Variants in SDC2 observed in about 807,000 individuals in gnomAD.
SDC2 encodes the protein syndecan-2.
In SDC2, 13 loss-of-function variants were observed where a neutral mutation model predicts 22.2. That is an observed-to-expected ratio of 0.59 (90% CI 0.38 to 0.93). The LOEUF (loss-of-function observed/expected upper bound fraction) is 0.93, where lower values mean the gene tolerates loss of function less well. Ranked by LOEUF, SDC2 falls within the 40% of genes least tolerant of loss-of-function variation. The pLI, the probability that SDC2 is intolerant of heterozygous loss-of-function variation, is 0.00. For missense variants in SDC2, 235 were observed against 246.8 expected, an observed-to-expected ratio of 0.95 and a Z score of 0.32; for synonymous variants, 94 against 92.8, an observed-to-expected ratio of 1.01 and a Z score of -0.07.
intron 1 of SDC2, among the ~76,000 whole-genome samples, chr8:96,533,142 C>A (rs1265512529): frequency 6.6e-6 from 1 of 152,176 alleles, no homozygotes; most frequent in Non-Finnish European, 1.5e-5. Context: ...GTGAGTGTTA[C>A]AGCTCATAAA....
intron 1 of SDC2, among the ~76,000 whole-genome samples, chr8:96,541,540 C>T (rs2130513559): frequency 6.9e-6 from 1 of 144,732 alleles, no homozygotes; most frequent in East Asian, 2.0e-4. Flanking sequence ...AATAATGCTA[C>T]AACACGGATG....
chr8:96,602,655 C>G (rs528457253), intron 3 of SDC2, 127 bp downstream of exon 3: 1 of 969,214 alleles, frequency 1.0e-6, no homozygotes, highest in East Asian at 2.6e-5. Flanking sequence ...GAACTATGTA[C>G]ACAACAGTTC....
intron 4 of SDC2, among the ~76,000 whole-genome samples, chr8:96,608,891 T>G (rs775397654): frequency 1.8e-4 from 27 of 152,218 alleles, no homozygotes; most frequent in South Asian, 4.1e-4. Context: ...GTTTCTATTT[T>G]AACTTAATTG....
intron 1 of SDC2, among the ~76,000 whole-genome samples, chr8:96,518,335 T>G (rs1012745882): frequency 6.6e-6 from 1 of 151,090 alleles, no homozygotes; most frequent in Non-Finnish European, 1.5e-5. Context: ...GTGGACCTAG[T>G]TGGAGAGACT....
At chr8:96,515,682 A>G (rs1268876860) in intron 1 of SDC2, among the ~76,000 whole-genome samples, 1 of 152,172 alleles carries the variant, frequency 6.6e-6, no homozygotes, top group Admixed American at 6.5e-5. Context: ...CTGGAATCTG[A>G]TAGTTTTCTT....
intron 1 of SDC2, among the ~76,000 whole-genome samples, chr8:96,585,190 C>T (rs1347608): frequency 0.08 from 12,126 of 152,140 alleles, 581 homozygotes; most frequent in East Asian, 0.21. Flanking sequence ...TTTTGTAATG[C>T]AAGTGTTTTG....
intron 1 of SDC2, among the ~76,000 whole-genome samples, chr8:96,570,991 G>A (rs1814384732): frequency 6.6e-6 from 1 of 152,148 alleles, no homozygotes. Context: ...TGTGGTAATG[G>A]TTGCACAACG....
intron 1 of SDC2, among the ~76,000 whole-genome samples, chr8:96,568,658 C>T (rs1461964054): frequency 6.6e-6 from 1 of 152,230 alleles, no homozygotes; most frequent in Non-Finnish European, 1.5e-5. Flanking sequence ...GATTAAATAA[C>T]TGTAAATTGA....
chr8:96,588,517 C>T (rs949767112), intron 1 of SDC2, among the ~76,000 whole-genome samples: 1 of 152,130 alleles, frequency 6.6e-6, no homozygotes, highest in Non-Finnish European at 1.5e-5. Flanking sequence ...AGTTAATATA[C>T]ATTTGAGTCA....
chr8:96,531,845 A>G (rs1201881747), intron 1 of SDC2, among the ~76,000 whole-genome samples: 2 of 152,184 alleles, frequency 1.3e-5, no homozygotes, highest in Non-Finnish European at 2.9e-5. Flanking sequence ...GTGTGTGTCA[A>G]CCAAGATGTA....
chr8:96,583,347 A>G (rs1405897340), intron 1 of SDC2, among the ~76,000 whole-genome samples: 1 of 143,892 alleles, frequency 6.9e-6, no homozygotes, highest in Non-Finnish European at 1.5e-5. Context: ...CATATAAAAT[A>G]TATATTATAT....
intron 1 of SDC2, among the ~76,000 whole-genome samples, chr8:96,574,795 A>C (rs1814458684): frequency 6.6e-6 from 1 of 152,188 alleles, no homozygotes; most frequent in South Asian, 2.1e-4. Flanking sequence ...AACTATGGAA[A>C]ATGTATTGCG....
At chr8:96,569,587 G>C (rs1462202171) in intron 1 of SDC2, among the ~76,000 whole-genome samples, 1 of 152,176 alleles carries the variant, frequency 6.6e-6, no homozygotes, top group Non-Finnish European at 1.5e-5. Flanking sequence ...AGCTGTAAAA[G>C]TTGGAGTCCA....
At chr8:96,529,725 C>T (rs563672283) in intron 1 of SDC2, among the ~76,000 whole-genome samples, 1 of 152,146 alleles carries the variant, frequency 6.6e-6, no homozygotes, top group Admixed American at 6.5e-5. Flanking sequence ...CTCTCCATCT[C>T]CCTCCTTCAG....
At chr8:96,512,228 C>T (rs891626638) in intron 1 of SDC2, among the ~76,000 whole-genome samples, 3 of 152,182 alleles carry the variant, frequency 2.0e-5, no homozygotes, top group Admixed American at 6.5e-5. Context: ...GGCCACGTGC[C>T]CAACTAAAAT....
At chr8:96,589,878 C>T (rs1814749773) in intron 1 of SDC2, among the ~76,000 whole-genome samples, 1 of 152,152 alleles carries the variant, frequency 6.6e-6, no homozygotes, top group Non-Finnish European at 1.5e-5. Flanking sequence ...GGTCCAGGCC[C>T]AACATGATGA....
At chr8:96,498,975 G>A (rs556570720) in intron 1 of SDC2, among the ~76,000 whole-genome samples, 1 of 152,176 alleles carries the variant, frequency 6.6e-6, no homozygotes, top group African/African-American at 2.4e-5. Context: ...TGATCATGTT[G>A]CCCATGGTCT....
At chr8:96,564,734 A>G (rs1022415672) in intron 1 of SDC2, among the ~76,000 whole-genome samples, 1 of 152,186 alleles carries the variant, frequency 6.6e-6, no homozygotes, top group South Asian at 2.1e-4. Context: ...AAATACCTCA[A>G]GATTCCAGGT....
At chr8:96,544,942 C>A (rs1383811312) in intron 1 of SDC2, among the ~76,000 whole-genome samples, 1 of 152,144 alleles carries the variant, frequency 6.6e-6, no homozygotes, top group Non-Finnish European at 1.5e-5. Flanking sequence ...ATGGGCCTAC[C>A]ATTTAGTTAA....
Sources: gnomAD v4.1 joint callset for allele counts (sites outside exome capture counted in the v4.1 genomes callset) on GRCh38, gnomAD v4.1.1 for gene constraint, MANE v1.5 for transcripts, NCBI Gene and HGNC (gene_info 2026-07-23, HGNC 2026-07-21) for gene names.